The following EXOC4 variants were observed in gnomAD, a reference collection of about 807,000 sequenced individuals.
The protein encoded by EXOC4 is SEC8-like 1.
A neutral mutation model predicts 107.2 loss-of-function variants in EXOC4; 71 were observed. The ratio of observed to expected loss-of-function variants is 0.66; its 90% confidence interval spans 0.55 to 0.81. The LOEUF (loss-of-function observed/expected upper bound fraction) is 0.81. EXOC4 is among the 30% of genes least tolerant of loss of function. The pLI is 0.00. For missense variants in EXOC4, 1,108 were observed against 1,189.6 expected, an observed-to-expected ratio of 0.93 and a Z score of 1.01; for synonymous variants, 456 against 441.2, an observed-to-expected ratio of 1.03 and a Z score of -0.42.
intron 9 of EXOC4, among the ~76,000 whole-genome samples, chr7:133,505,621 G>A (rs143752422): frequency 3.3e-5 from 5 of 151,966 alleles, no homozygotes; most frequent in Non-Finnish European, 1.5e-5. Flanking sequence ...ATTGCAAGAC[G>A]TCCTAAGTTA....
At chr7:133,495,212 A>G (rs1403422152) in intron 9 of EXOC4, among the ~76,000 whole-genome samples, 2 of 151,906 alleles carry the variant, frequency 1.3e-5, no homozygotes, top group Admixed American at 6.6e-5. Context: ...AGATCACGCC[A>G]TTGCACTCCA....
chr7:133,839,205 C>T (rs1443045548), intron 11 of EXOC4, among the ~76,000 whole-genome samples: 1 of 152,302 alleles, frequency 6.6e-6, no homozygotes, highest in Middle Eastern at 3.4e-3. Flanking sequence ...CTTTGGCAAA[C>T]AGTCGTTTAT....
intron 1 of EXOC4, among the ~76,000 whole-genome samples, chr7:133,257,237 CCGG>C (rs1795038813): frequency 1.5e-5 from 1 of 67,378 alleles, no homozygotes; most frequent in African/African-American, 1.7e-4. Context: ...ATGGAACTAA[CCGG>C]GGGGGACAGA....
chr7:134,022,933 T>C (rs757444368), intron 17 of EXOC4, among the ~76,000 whole-genome samples: 107 of 152,384 alleles, frequency 7.0e-4, no homozygotes, highest in Non-Finnish European at 2.4e-4. Flanking sequence ...TGAAGTATCC[T>C]TAGTCTGCAT....
chr7:133,880,240 T>C (rs926471556), intron 11 of EXOC4, among the ~76,000 whole-genome samples: 1 of 152,192 alleles, frequency 6.6e-6, no homozygotes, highest in African/African-American at 2.4e-5. Context: ...CCCAAGTAGA[T>C]TACCATCACC....
chr7:133,628,497 A>T (rs922574659), intron 9 of EXOC4, among the ~76,000 whole-genome samples: 5 of 152,202 alleles, frequency 3.3e-5, no homozygotes, highest in Non-Finnish European at 7.3e-5. Flanking sequence ...GTCAGGCGTT[A>T]TATCACTTCC....
At chr7:133,736,762 A>T (rs1438645313) in intron 10 of EXOC4, among the ~76,000 whole-genome samples, 1 of 152,076 alleles carries the variant, frequency 6.6e-6, no homozygotes, top group East Asian at 1.9e-4. Flanking sequence ...AGTTGTTCTA[A>T]TCTATGTAGT....
At chr7:133,855,004 C>A (rs1798317927) in intron 11 of EXOC4, among the ~76,000 whole-genome samples, 2 of 141,248 alleles carry the variant, frequency 1.4e-5, no homozygotes, top group South Asian at 2.2e-4. Context: ...ATTATAATGG[C>A]TTCTCTATTC....
intron 9 of EXOC4, among the ~76,000 whole-genome samples, chr7:133,520,365 A>G (rs1799957183): frequency 6.6e-6 from 1 of 152,096 alleles, no homozygotes; most frequent in African/African-American, 2.4e-5. Context: ...GGACAAACAC[A>G]AAGTCTAGTC....
At chr7:133,876,344 G>C (rs1798849111) in intron 11 of EXOC4, among the ~76,000 whole-genome samples, 1 of 151,864 alleles carries the variant, frequency 6.6e-6, no homozygotes, top group Non-Finnish European at 1.5e-5. Context: ...AATTTCAGGG[G>C]ACATCATTAC....
chr7:133,379,060 C>T (rs1032909372), intron 7 of EXOC4, among the ~76,000 whole-genome samples: 6 of 152,040 alleles, frequency 3.9e-5, no homozygotes, highest in Non-Finnish European at 8.8e-5. Context: ...AAGAATAGTA[C>T]AAAGAGCCAT....
At chr7:133,399,763 A>C (rs1381454208) in intron 7 of EXOC4, among the ~76,000 whole-genome samples, 2 of 152,226 alleles carry the variant, frequency 1.3e-5, no homozygotes, top group African/African-American at 2.4e-5. Context: ...GGGCTTAGAC[A>C]TAAGTGTAGG....
At chr7:133,823,607 C>G (rs1797577880) in intron 11 of EXOC4, among the ~76,000 whole-genome samples, 1 of 150,954 alleles carries the variant, frequency 6.6e-6, no homozygotes, top group African/African-American at 2.4e-5. Flanking sequence ...TTGAGGTCAG[C>G]AGTTCAAGAG....
chr7:133,991,357 C>T (rs1220645040), intron 14 of EXOC4, among the ~76,000 whole-genome samples: 1 of 151,854 alleles, frequency 6.6e-6, no homozygotes, highest in Non-Finnish European at 1.5e-5. Flanking sequence ...TCATCCCTTG[C>T]CAGGTATATA....
chr7:133,672,217 C>T (rs1387811553), intron 10 of EXOC4, among the ~76,000 whole-genome samples: 2 of 151,676 alleles, frequency 1.3e-5, no homozygotes, highest in Non-Finnish European at 2.9e-5. Flanking sequence ...TGGTGAAACC[C>T]CGTCTCTACT....
the EXOC4 span, among the ~76,000 whole-genome samples, chr7:134,081,797 T>C: frequency 6.6e-6 from 1 of 151,660 alleles, no homozygotes; most frequent in South Asian, 2.1e-4. Context: ...GGTTTGGAGG[T>C]GAAGGGTTGG....
At chr7:133,296,856 C>T (rs1794530883) in intron 3 of EXOC4, among the ~76,000 whole-genome samples, 1 of 152,066 alleles carries the variant, frequency 6.6e-6, no homozygotes, top group Non-Finnish European at 1.5e-5. Flanking sequence ...GGGGATCTTG[C>T]AAGAATTCTA....
Position 133,878,655 on chromosome 7 carries a change from A to G in EXOC4, c.1735-16944A>G, listed in dbSNP as rs181336807. Among the ~76,000 whole-genome samples, 13 of 152,260 alleles carry G rather than the reference A, an allele frequency of 8.5e-5. No individual in the cohort carries two copies. In the East Asian group the frequency reaches 1.2e-3, roughly 14 times the overall value. ...GTTGTGGGGAAGTAATTGATGTTCT[A>G]TAACATTGACCCTATGTGGATGTTC... On this transcript the variant is annotated intron_variant, in intron 11 of 17. Coordinates refer to ENST00000253861, the MANE Select transcript of EXOC4 (RefSeq NM_021807.4).
chr7:133,254,625 T>TA (rs1562989630), intron 1 of EXOC4, among the ~76,000 whole-genome samples: 1 of 152,232 alleles, frequency 6.6e-6, no homozygotes, highest in Non-Finnish European at 1.5e-5. Context: ...ACATATTGAA[T>TA]AATATTTGTT....
Sources: allele counts gnomAD v4.1 joint callset (sites outside exome capture counted in the v4.1 genomes callset), GRCh38; gene constraint gnomAD v4.1.1; transcripts MANE v1.5; gene names NCBI Gene and HGNC (gene_info 2026-07-23, HGNC 2026-07-21).